ZNF488: variants seen among roughly 807,000 people sequenced by gnomAD.
ZNF488 encodes zinc finger protein 488.
In ZNF488, 1 loss-of-function variant was observed where a neutral mutation model predicts 1.2. The observed-to-expected ratio is 0.86, with a 90% confidence interval of 0.30 to 4.07. ZNF488 has a LOEUF of 4.07. ZNF488 is among the 30% of genes most tolerant of loss of function. The pLI, the probability that ZNF488 is intolerant of heterozygous loss-of-function variation, is 0.18. For missense variants in ZNF488, 450 were observed against 437.9 expected, an observed-to-expected ratio of 1.03 and a Z score of -0.25; for synonymous variants, 185 against 190.1, an observed-to-expected ratio of 0.97 and a Z score of 0.22.
chr10:47,371,405 T>C (rs1381247662), intron 1 of ZNF488, among the ~76,000 whole-genome samples: 6 of 151,822 alleles, frequency 4.0e-5, no homozygotes, highest in Non-Finnish European at 7.4e-5. Flanking sequence ...AAAGAAAACA[T>C]ACCAAAGCAA....
intron 1 of ZNF488, among the ~76,000 whole-genome samples, chr10:47,378,352 G>A (rs1452038789): frequency 1.3e-5 from 2 of 152,156 alleles, no homozygotes; most frequent in African/African-American, 4.8e-5. Flanking sequence ...ATCCCTACCC[G>A]CTCTCACCAG....
chr10:47,378,809 G>A (rs531590328), intron 1 of ZNF488, among the ~76,000 whole-genome samples: 209 of 152,286 alleles, frequency 1.4e-3, no homozygotes, highest in African/African-American at 4.5e-3. Flanking sequence ...AGACCACCCC[G>A]TGTGACTTCA....
intron 1 of ZNF488, among the ~76,000 whole-genome samples, chr10:47,382,032 G>A (rs181086471): frequency 1.3e-5 from 2 of 152,366 alleles, no homozygotes; most frequent in East Asian, 3.9e-4. Context: ...TCAGGCGCCA[G>A]GGCACTACTT....
intron 1 of ZNF488, among the ~76,000 whole-genome samples, chr10:47,380,464 A>G (rs1425298606): frequency 1.5e-3 from 232 of 151,742 alleles, no homozygotes; most frequent in African/African-American, 5.4e-3. Context: ...TTCCCCACCA[A>G]CACAGAGCAC....
chr10:47,374,176 T>G (rs1030547672), intron 1 of ZNF488, among the ~76,000 whole-genome samples: 1 of 152,234 alleles, frequency 6.6e-6, no homozygotes, highest in Non-Finnish European at 1.5e-5. Context: ...CCAGGTGTCC[T>G]CTATGGTCCT....
In ZNF488 at chr10:47,368,513, G is replaced by T. The variant is rs12251609; in HGVS notation, c.317C>A (p.Pro106Gln). 19 of 1,613,588 alleles carry T rather than the reference G, an allele frequency of 1.2e-5. 1 individual carries two copies. The South Asian group carries it at 2.1e-4, about 18-fold the overall frequency. ...EQRQSAFTELPRMKDRQVDAQ... is the reference protein window; with the variant it reads ...EQRQSAFTELQRMKDRQVDAQ... ...ATCCACCTGCCGGTCCTTCATCCTCGGCAGCTCCGTGAAGGCGCTCTGCCT... is the reference window on the plus strand; with the variant it reads ...ATCCACCTGCCGGTCCTTCATCCTCTGCAGCTCCGTGAAGGCGCTCTGCCT... The change falls in exon 2 of 2, where the codon CCG becomes CAG. Residue 106 changes from proline (P) to glutamine (Q), a missense_variant. Transcript: ENST00000585316.
chr10:47,375,754 T>A (rs1837655182), intron 1 of ZNF488, among the ~76,000 whole-genome samples: 1 of 152,196 alleles, frequency 6.6e-6, no homozygotes, highest in Non-Finnish European at 1.5e-5. Flanking sequence ...ATGTTGCAGC[T>A]ACATGCTGAG....
chr10:47,373,992 G>A lies in ZNF488; in HGVS notation c.-108-5055C>T, dbSNP rs571710367. 1.8e-4 allele frequency among the ~76,000 whole-genome samples: 27 copies of A among 152,266 alleles called. No individual in the cohort carries two copies. In the South Asian group the frequency reaches 4.6e-3, roughly 26 times the overall value. ...ATGTGCTGCCAAATCAAACCTAGAC[G>A]TAAGACAAACCAAAATAACAAGGAA... On this transcript the variant is annotated intron_variant, in intron 1 of 1. Transcript: ENST00000585316.
intron 1 of ZNF488, among the ~76,000 whole-genome samples, chr10:47,383,142 C>T (rs914064338): frequency 8.6e-5 from 13 of 151,354 alleles, no homozygotes; most frequent in African/African-American, 2.4e-4. Flanking sequence ...TATGCATCTA[C>T]GACAATCTTT....
chr10:47,377,956 G>T (rs1481677914), intron 1 of ZNF488, among the ~76,000 whole-genome samples: 3 of 152,162 alleles, frequency 2.0e-5, no homozygotes, highest in Admixed American at 1.3e-4. Flanking sequence ...GGATCTGTAG[G>T]CATAGGTGCA....
At position 47,368,303 on chromosome 10, in the gene ZNF488, A is replaced by G. The variant is rs782106812; in HGVS notation, c.527T>C (p.Leu176Pro). ...PTKRPAERPE[L>P]TSVFPAGESA... ...TTCCCCTGCAGGGAAGACTGAGGTT[A>G]GCTCAGGCCTCTCTGCTGGTCGCTT... Residue 176 changes from leucine to proline, a missense_variant, in exon 2 of 2, where the codon CTA (leucine) becomes CCA (proline). Transcript: ENST00000585316. 1.2e-5 allele frequency: 20 copies of G among 1,614,228 alleles called. No homozygotes were observed. The South Asian group carries it at 2.2e-4, about 18-fold the overall frequency.
chr10:47,369,847 G>A (rs782532411), intron 1 of ZNF488, among the ~76,000 whole-genome samples: 46 of 152,278 alleles, frequency 3.0e-4, no homozygotes, highest in East Asian at 2.3e-3. Context: ...CATGCACCAC[G>A]TGCAACATTA....
In ZNF488 at chr10:47,367,970, G is replaced by A. The variant is rs200628899; in HGVS notation, c.860C>T (p.Thr287Met). 6.9e-5 allele frequency: 112 copies of A among 1,614,132 alleles called. No homozygotes were observed. The highest frequency in any genetic ancestry group is 1.3e-4 in the African/African-American group (10 of 75,030). The change falls in exon 2 of 2, where the codon ACG becomes ATG. Residue 287 changes from threonine (T) to methionine (M), a missense_variant. Transcript: ENST00000585316. ...TCGCATGTGAAAGACCAGGTCGGAC[G>A]TTAGGCGAAAGGACAGGTTGCACTT... ...CAKCNLSFRL[T>M]SDLVFHMRSH...
At chr10:47,373,043 C>T (rs1370502209) in intron 1 of ZNF488, among the ~76,000 whole-genome samples, 3 of 152,160 alleles carry the variant, frequency 2.0e-5, no homozygotes, top group Admixed American at 6.5e-5. Flanking sequence ...TCTGCCTTGG[C>T]GTGTCATGGG....
rs1172810135 is a variant in ZNF488 at position 47,368,900 on chromosome 10, C to T, written c.-71G>A. ...AAGGAGCCATGAGATATGGAAGCTC[C>T]CCATGACACTGGGCTGGACACACTC... On this transcript the variant is annotated 5_prime_UTR_variant, in exon 2 of 2. Transcript: ENST00000585316. The T allele has an allele frequency of 1.3e-6, 2 of 1,511,030 alleles. No homozygotes were observed. Among genetic ancestry groups the T allele is most frequent in the Non-Finnish European group, 1.8e-6 (2 of 1,129,444 alleles). The allele number at this position is 1,511,030 out of a possible 1,614,324, so 93.6% of individuals were successfully genotyped here. A position where few individuals can be genotyped will look rare whatever the true frequency, so the allele number is the denominator to read the frequency against.
At position 47,367,729 on chromosome 10, in the gene ZNF488, C is replaced by T. The variant is rs1837268621; in HGVS notation, c.*78G>A. The T allele has an allele frequency of 6.7e-7, 1 of 1,487,794 alleles. No homozygotes were observed. Among genetic ancestry groups the T allele is most frequent in the Non-Finnish European group, 9.1e-7 (1 of 1,103,584 alleles). The allele number at this position is 1,487,794 out of a possible 1,614,324, so 92.2% of individuals were successfully genotyped here. On this transcript the variant is annotated 3_prime_UTR_variant, in exon 2 of 2. Coordinates refer to ENST00000585316, the MANE Select transcript of ZNF488 (RefSeq NM_153034.4). ...AGCTCTGCAAAGGACCATGACAGCC[C>T]CCTCAACGCAGGCCCAGGGAGCCCC...
chr10:47,372,881 C>T (rs1311058480), intron 1 of ZNF488, among the ~76,000 whole-genome samples: 4 of 152,328 alleles, frequency 2.6e-5, no homozygotes, highest in African/African-American at 9.6e-5. Context: ...GGGGTTCAAC[C>T]TCATGTGTGT....
intron 1 of ZNF488, among the ~76,000 whole-genome samples, chr10:47,370,915 C>T (rs562077212): frequency 6.6e-6 from 1 of 152,316 alleles, no homozygotes; most frequent in Non-Finnish European, 1.5e-5. Flanking sequence ...CCGTTCATTC[C>T]GCAAGCATTC....
chr10:47,368,549 C>G lies in ZNF488; in HGVS notation c.281G>C (p.Arg94Pro), dbSNP rs782163909. 18 of 1,613,344 alleles carry G rather than the reference C, an allele frequency of 1.1e-5. No individual in the cohort carries two copies. The African/African-American group carries it at 2.4e-4, about 21-fold the overall frequency. ...RPGKPLPPKTRGEQRQSAFTE... is the reference protein window; with the variant it reads ...RPGKPLPPKTPGEQRQSAFTE... ...GAAGGCGCTCTGCCTCTGCTCTCCACGTGTCTTCGGGGGCAGCGGCTTGCC... is the reference window on the plus strand; with the variant it reads ...GAAGGCGCTCTGCCTCTGCTCTCCAGGTGTCTTCGGGGGCAGCGGCTTGCC... Residue 94 changes from arginine (R) to proline (P), a missense_variant, in exon 2 of 2, where the codon CGT becomes CCT. Physicochemically the swap from Arg to Pro is moderately radical, Grantham distance 103. Coordinates refer to ENST00000585316, the MANE Select transcript of ZNF488 (RefSeq NM_153034.4).
Sources: gnomAD v4.1 joint callset for allele counts (sites outside exome capture counted in the v4.1 genomes callset) on GRCh38, gnomAD v4.1.1 for gene constraint, MANE v1.5 for transcripts, NCBI Gene and HGNC (gene_info 2026-07-23, HGNC 2026-07-21) for gene names.